SPECC1: variants seen among roughly 807,000 people sequenced by gnomAD.
SPECC1 encodes cytospin-B.
In SPECC1, 62 loss-of-function variants were observed where a neutral mutation model predicts 104.1. The observed-to-expected ratio is 0.60, with a 90% CI of 0.49 to 0.74. SPECC1 has a LOEUF of 0.74. Among genes scored for constraint, SPECC1 ranks in the 30% least tolerant of loss-of-function variants. SPECC1 has a pLI of 0.00. For missense variants in SPECC1, 1,306 were observed against 1,310.5 expected (o/e 1.00, Z 0.05); for synonymous variants, 513 against 501.6 (o/e 1.02, Z -0.30).
chr17:20,075,762 A>G (rs1326284689), intron 1 of SPECC1, among the ~76,000 whole-genome samples: 1 of 152,130 alleles, frequency 6.6e-6, no homozygotes, highest in Non-Finnish European at 1.5e-5. Context: ...CCTGGGCAGC[A>G]TAGTGATACC....
At chr17:20,305,228 A>G (rs1324244977) in intron 13 of SPECC1, among the ~76,000 whole-genome samples, 2 of 152,120 alleles carry the variant, frequency 1.3e-5, no homozygotes, top group South Asian at 2.1e-4. Flanking sequence ...ATGTGCTTCC[A>G]GGGAAGGAAG....
intron 3 of SPECC1, among the ~76,000 whole-genome samples, chr17:20,168,637 A>G (rs1301811278): frequency 2.6e-5 from 4 of 152,234 alleles, no homozygotes; most frequent in Non-Finnish European, 5.9e-5. Context: ...AGAAAAAATT[A>G]GCATTATTTG....
At chr17:20,300,829 G>T (rs2041553482) in intron 13 of SPECC1, among the ~76,000 whole-genome samples, 2 of 152,232 alleles carry the variant, frequency 1.3e-5, no homozygotes, top group Non-Finnish European at 2.9e-5. Context: ...GAGTGTGTAA[G>T]GCAGCGTGTG....
At chr17:20,068,451 C>A (rs2046436052) in intron 1 of SPECC1, among the ~76,000 whole-genome samples, 1 of 152,182 alleles carries the variant, frequency 6.6e-6, no homozygotes, top group Non-Finnish European at 1.5e-5. Context: ...GAACATTTGT[C>A]TGCAGGTTCT....
At chr17:20,232,520 A>T in intron 7 of SPECC1, 115 bp downstream of exon 7, 1 of 1,173,114 alleles carries the variant, frequency 8.5e-7, no homozygotes, top group Non-Finnish European at 1.2e-6. Context: ...CCTTTCTGAG[A>T]TCACCCTGAA....
chr17:20,178,520 A>G (rs1363289205), intron 3 of SPECC1, among the ~76,000 whole-genome samples: 4 of 152,214 alleles, frequency 2.6e-5, no homozygotes, highest in Non-Finnish European at 5.9e-5. Context: ...GCATAACTAA[A>G]TCAGAGAGGC....
intron 14 of SPECC1, chr17:20,306,285 A>T (rs2041762428): frequency 3.9e-6 from 2 of 513,530 alleles, no homozygotes; most frequent in Non-Finnish European, 6.9e-6. Flanking sequence ...AAGATTTCAT[A>T]TGGACAAATT....
intron 3 of SPECC1, among the ~76,000 whole-genome samples, chr17:20,197,704 AC>A (rs2151311167): frequency 6.6e-6 from 1 of 152,268 alleles, no homozygotes; most frequent in African/African-American, 2.4e-5. Context: ...GACTTCATCC[AC>A]TTTTTTGTTT....
intron 13 of SPECC1, among the ~76,000 whole-genome samples, chr17:20,300,151 C>G (rs1598166343): frequency 6.6e-6 from 1 of 152,288 alleles, no homozygotes; most frequent in Middle Eastern, 3.4e-3. Flanking sequence ...CACCCAGTCC[C>G]TTGGTCTTAG....
Position 20,311,661 on chromosome 17 carries a change from G to T in SPECC1, c.3118-2315G>T, listed in dbSNP as rs148866595. On this transcript the variant is annotated intron_variant, in intron 14 of 14. Coordinates refer to ENST00000395527, the MANE Select transcript of SPECC1 (RefSeq NM_001243439.2). ...ACCCGCCTCGGCCTCCCAAAGTGCT[G>T]GGATTACAGTCCAGTACAGTTTTAA... 9.0e-4 allele frequency among the ~76,000 whole-genome samples: 137 copies of T among 152,242 alleles called. 1 individual carries two copies. In the East Asian group the frequency reaches 0.025, roughly 28 times the overall value.
intron 1 of SPECC1, among the ~76,000 whole-genome samples, chr17:20,085,059 A>C (rs899112128): frequency 1.3e-5 from 2 of 152,204 alleles, no homozygotes; most frequent in Non-Finnish European, 2.9e-5. Flanking sequence ...TCAGGCTGGG[A>C]AGCCTGTTCT....
intron 7 of SPECC1, chr17:20,237,290 G>GT (rs2038973069): frequency 9.2e-7 from 1 of 1,086,922 alleles, no homozygotes; most frequent in Non-Finnish European, 1.1e-6. Context: ...GTTTTTTGTT[G>GT]TTGTTGTTGT....
At chr17:20,018,814 A>G (rs542699373) in intron 1 of SPECC1, among the ~76,000 whole-genome samples, 5 of 152,348 alleles carry the variant, frequency 3.3e-5, no homozygotes, top group East Asian at 1.9e-4. Flanking sequence ...GAGCTGTGAC[A>G]ACGCATGTGA....
At chr17:20,242,031 C>G (rs985752716) in intron 7 of SPECC1, among the ~76,000 whole-genome samples, 10 of 152,182 alleles carry the variant, frequency 6.6e-5, no homozygotes, top group African/African-American at 2.2e-4. Context: ...CAGGCGTGAG[C>G]ATGTGGTTGA....
intron 1 of SPECC1, among the ~76,000 whole-genome samples, chr17:20,012,510 A>G (rs1159765345): frequency 6.7e-6 from 1 of 149,904 alleles, no homozygotes; most frequent in South Asian, 2.1e-4. Flanking sequence ...TAAACGAGCC[A>G]TCTTATTTAA....
chr17:20,075,832 AG>A, intron 1 of SPECC1, among the ~76,000 whole-genome samples: 1 of 152,316 alleles, frequency 6.6e-6, no homozygotes, highest in South Asian at 2.1e-4. Context: ...CTGTAGCACC[AG>A]CTACTCAGGA....
chr17:20,019,155 T>G (rs1447570921), intron 1 of SPECC1, among the ~76,000 whole-genome samples: 1 of 152,082 alleles, frequency 6.6e-6, no homozygotes, highest in Non-Finnish European at 1.5e-5. Context: ...GGTGGGAGGA[T>G]CTCTTGAAGC....
chr17:20,293,609 GA>G (rs1363335316), intron 12 of SPECC1, among the ~76,000 whole-genome samples: 1 of 152,198 alleles, frequency 6.6e-6, no homozygotes, highest in Non-Finnish European at 1.5e-5. Flanking sequence ...GACAGGGCAA[GA>G]AGAGGAAGAG....
intron 14 of SPECC1, among the ~76,000 whole-genome samples, chr17:20,306,653 C>A (rs968334374): frequency 6.6e-6 from 1 of 152,176 alleles, no homozygotes; most frequent in Non-Finnish European, 1.5e-5. Context: ...TGTGTGCGCA[C>A]GTGCGCGCAG....
Sources: allele counts gnomAD v4.1 joint callset (sites outside exome capture counted in the v4.1 genomes callset), GRCh38; gene constraint gnomAD v4.1.1; transcripts MANE v1.5; gene names NCBI Gene and HGNC (gene_info 2026-07-23, HGNC 2026-07-21).